MAN1A1: variants seen among roughly 807,000 people sequenced by gnomAD.
The protein encoded by MAN1A1 is mannosidase alpha class 1A member 1.
MAN1A1 carries 29 observed loss-of-function variants against 70.8 expected under a neutral mutation model. That is an observed-to-expected ratio of 0.41 (90% CI 0.31 to 0.56). MAN1A1 has a LOEUF of 0.56. Among genes scored for constraint, MAN1A1 ranks in the 20% least tolerant of loss-of-function variants. The pLI is 0.29. For synonymous variants in MAN1A1, 349 were observed against 330.1 expected (o/e 1.06, Z -0.62); for missense variants, 747 against 841.3 (o/e 0.89, Z 1.39).
chr6:119,305,913 C>A (rs1772512573), intron 3 of MAN1A1, among the ~76,000 whole-genome samples: 1 of 152,074 alleles, frequency 6.6e-6, no homozygotes, highest in Non-Finnish European at 1.5e-5. Context: ...GTTAGCCACA[C>A]CAGGGTTCAA....
intron 2 of MAN1A1, among the ~76,000 whole-genome samples, chr6:119,336,611 CAA>C (rs1773458082): frequency 6.6e-6 from 1 of 152,076 alleles, no homozygotes; most frequent in African/African-American, 2.4e-5. Context: ...TCAGGAGAAA[CAA>C]TATGAAATTG....
intron 5 of MAN1A1, among the ~76,000 whole-genome samples, chr6:119,257,473 T>TAG (rs1775491181): frequency 6.6e-6 from 1 of 152,112 alleles, no homozygotes; most frequent in African/African-American, 2.4e-5. Flanking sequence ...TTATGGGACT[T>TAG]TTCTGAGTGT....
chr6:119,224,525 C>G (rs1318254481), intron 6 of MAN1A1, among the ~76,000 whole-genome samples: 3 of 152,094 alleles, frequency 2.0e-5, no homozygotes, highest in African/African-American at 7.2e-5. Flanking sequence ...TGGTTTGAAT[C>G]CAAGAGAGTT....
intron 6 of MAN1A1, among the ~76,000 whole-genome samples, chr6:119,215,238 C>T (rs1020125007): frequency 6.6e-6 from 1 of 151,770 alleles, no homozygotes; most frequent in Non-Finnish European, 1.5e-5. Context: ...AGATACTAAT[C>T]ATTCTCATTT....
chr6:119,349,392 A>C, intron 1 of MAN1A1, 105 bp from the exon 2 acceptor site: 5 of 940,982 alleles, frequency 5.3e-6, no homozygotes, highest in East Asian at 8.0e-5. Flanking sequence ...CGCTCCCCTT[A>C]AGCAGAGTCC....
At chr6:119,203,829 G>C (rs1773784011) in intron 7 of MAN1A1, among the ~76,000 whole-genome samples, 1 of 152,152 alleles carries the variant, frequency 6.6e-6, no homozygotes, top group South Asian at 2.1e-4. Flanking sequence ...TTAATAAACA[G>C]ATATAGAGTC....
chr6:119,221,822 A>G (rs1774370687), intron 6 of MAN1A1, among the ~76,000 whole-genome samples: 1 of 152,194 alleles, frequency 6.6e-6, no homozygotes. Context: ...TAACAGCAAG[A>G]GTGAGATAAA....
intron 2 of MAN1A1, among the ~76,000 whole-genome samples, chr6:119,344,980 C>T (rs1773687626): frequency 6.6e-6 from 1 of 152,160 alleles, no homozygotes; most frequent in African/African-American, 2.4e-5. Flanking sequence ...CCAGTCTGCA[C>T]ATACCCCTAA....
rs1426176417 is a variant in MAN1A1, at chr6:119,314,516, A to G, written c.604-7524T>C. Reference sequence around the variant, plus strand: ...GGGTATTATTATCCCTGTTTTACATATGAAGCTGAGGCCCAAGGTAGTGTA... The same window carrying G: ...GGGTATTATTATCCCTGTTTTACATGTGAAGCTGAGGCCCAAGGTAGTGTA... On this transcript the variant is annotated intron_variant, in intron 2 of 12. Coordinates refer to ENST00000368468, the MANE Select transcript of MAN1A1 (RefSeq NM_005907.4). 2.6e-5 allele frequency among the ~76,000 whole-genome samples: 4 copies of G among 152,198 alleles called. No individual in the cohort carries two copies. In the East Asian group the frequency reaches 7.7e-4, roughly 29 times the overall value.
At chr6:119,310,858 G>C (rs538387990) in intron 2 of MAN1A1, among the ~76,000 whole-genome samples, 3 of 152,302 alleles carry the variant, frequency 2.0e-5, no homozygotes, top group Admixed American at 6.5e-5. Flanking sequence ...ACAATGCTGT[G>C]GAGTCCTGAA....
intron 6 of MAN1A1, among the ~76,000 whole-genome samples, chr6:119,235,601 T>TAG (rs1161120920): frequency 3.3e-5 from 5 of 152,208 alleles, no homozygotes; most frequent in Non-Finnish European, 5.9e-5. Flanking sequence ...CAGCAAGTGC[T>TAG]AGAAGTGCAG....
At chr6:119,343,264 T>C (rs1773644283) in intron 2 of MAN1A1, among the ~76,000 whole-genome samples, 1 of 152,180 alleles carries the variant, frequency 6.6e-6, no homozygotes. Flanking sequence ...TACAATTCTT[T>C]GGGGTTTTAT....
At chr6:119,196,067 T>C (rs1342495379) in intron 8 of MAN1A1, among the ~76,000 whole-genome samples, 2 of 152,052 alleles carry the variant, frequency 1.3e-5, no homozygotes, top group African/African-American at 2.4e-5. Context: ...GATGAAGTGA[T>C]AGGAAATGAT....
At position 119,188,589 on chromosome 6, in the gene MAN1A1, G is replaced by C. The variant is rs1773354819; in HGVS notation, c.1547-12C>G. ...TCCCAGTTTCATAACTAAAGGACAT[G>C]GAATGAATGAATAAGGGTTATTTTC... On this transcript the variant is annotated splice_polypyrimidine_tract_variant and intron_variant, in intron 10 of 12. Coordinates refer to ENST00000368468, the MANE Select transcript of MAN1A1 (RefSeq NM_005907.4). 1 of 1,608,432 alleles carries C rather than the reference G, an allele frequency of 6.2e-7. No individual in the cohort carries two copies. The highest frequency in any genetic ancestry group is 8.5e-7 in the Non-Finnish European group (1 of 1,177,680).
At chr6:119,253,530 T>C (rs1040587859) in intron 5 of MAN1A1, among the ~76,000 whole-genome samples, 17 of 152,182 alleles carry the variant, frequency 1.1e-4, no homozygotes, top group Admixed American at 1.1e-3. Context: ...GACAACTTTT[T>C]GCAGGGAAAA....
At chr6:119,318,044 A>G (rs901052476) in intron 2 of MAN1A1, among the ~76,000 whole-genome samples, 1 of 152,342 alleles carries the variant, frequency 6.6e-6, no homozygotes, top group Non-Finnish European at 1.5e-5. Context: ...TTATCTGGGC[A>G]TAACAATAAT....
At chr6:119,295,785 G>C (rs538678594) in intron 4 of MAN1A1, among the ~76,000 whole-genome samples, 1 of 151,996 alleles carries the variant, frequency 6.6e-6, no homozygotes, top group Non-Finnish European at 1.5e-5. Context: ...CCTGGGGTAC[G>C]GGACTATTAT....
At chr6:119,337,891 T>C (rs1415219754) in intron 2 of MAN1A1, among the ~76,000 whole-genome samples, 5 of 152,178 alleles carry the variant, frequency 3.3e-5, no homozygotes, top group Non-Finnish European at 5.9e-5. Flanking sequence ...ATGCCAATTA[T>C]AAAATACGTT....
intron 8 of MAN1A1, among the ~76,000 whole-genome samples, chr6:119,198,529 T>A (rs1283508156): frequency 1.3e-5 from 2 of 152,258 alleles, no homozygotes; most frequent in Non-Finnish European, 2.9e-5. Context: ...AATACCTATA[T>A]TTACTACATT....
Sources: allele counts gnomAD v4.1 joint callset (sites outside exome capture counted in the v4.1 genomes callset), GRCh38; gene constraint gnomAD v4.1.1; transcripts MANE v1.5; gene names NCBI Gene and HGNC (gene_info 2026-07-23, HGNC 2026-07-21).